Variants in CAMKMT observed in about 807,000 individuals in gnomAD.
CAMKMT encodes CaM KMT.
In CAMKMT, 53 loss-of-function variants were observed where a neutral mutation model predicts 48.0. The ratio of observed to expected loss-of-function variants is 1.10; its 90% CI spans 0.89 to 1.39. CAMKMT has a LOEUF of 1.39. Among genes scored for constraint, CAMKMT ranks in the 40% most tolerant of loss-of-function variants. The probability of loss-of-function intolerance (pLI) is 0.00; values close to 1 mark genes in which losing one functional copy is unlikely to be tolerated. For missense variants in CAMKMT, 428 were observed against 402.7 expected (o/e 1.06, Z -0.54); for synonymous variants, 165 against 152.3 (o/e 1.08, Z -0.61).
At chr2:44,549,248 C>T (rs1382679831) in intron 3 of CAMKMT, among the ~76,000 whole-genome samples, 1 of 152,158 alleles carries the variant, frequency 6.6e-6, no homozygotes, top group Non-Finnish European at 1.5e-5. Context: ...ACCAGTTTAC[C>T]AGCTCTGTCC....
chr2:44,557,187 T>C (rs1668059600), intron 3 of CAMKMT, among the ~76,000 whole-genome samples: 1 of 152,208 alleles, frequency 6.6e-6, no homozygotes, highest in Non-Finnish European at 1.5e-5. Context: ...ATAATGGTAC[T>C]AACTGTGTCC....
In CAMKMT at chr2:44,743,631, AT is replaced by A; in HGVS notation, c.634del (p.Trp212GlyfsTer36). 6.2e-7 allele frequency: 1 copy of A among 1,612,224 alleles called. No homozygotes were observed. The highest frequency in any genetic ancestry group is 8.5e-7 in the Non-Finnish European group (1 of 1,179,000). On this transcript the variant is annotated frameshift_variant, in exon 8 of 11. Coordinates refer to ENST00000378494, the MANE Select transcript of CAMKMT (RefSeq NM_024766.5). LOFTEE classifies it high-confidence loss of function. ...TCTTTTTCTCCTCAAGCGTTTTACG[AT>A]GGGATAATGAGACAGATGTCTCTCA... is the stretch of plus-strand genomic sequence containing the variant. ...TQKISSCVLR[W>X]DNETDVSQLE...
At chr2:44,390,205 C>T in intron 2 of CAMKMT, 36 bp from the exon 3 acceptor site, 1 of 1,542,904 alleles carries the variant, frequency 6.5e-7, no homozygotes. Flanking sequence ...GTTAACATTT[C>T]AGAATCATTA....
At chr2:44,566,541 G>C (rs1365526652) in intron 3 of CAMKMT, among the ~76,000 whole-genome samples, 1 of 152,132 alleles carries the variant, frequency 6.6e-6, no homozygotes, top group Admixed American at 6.6e-5. Flanking sequence ...TGTCCTAAAG[G>C]CCTGTGAGCC....
At chr2:44,588,331 A>C (rs1461553150) in intron 3 of CAMKMT, among the ~76,000 whole-genome samples, 1 of 75,600 alleles carries the variant, frequency 1.3e-5, no homozygotes, top group East Asian at 3.2e-4. Context: ...CCGCCCGGCC[A>C]GCCGCCCCGT....
At chr2:44,647,636 T>C (rs766261936) in intron 3 of CAMKMT, among the ~76,000 whole-genome samples, 12 of 152,114 alleles carry the variant, frequency 7.9e-5, no homozygotes, top group Non-Finnish European at 1.6e-4. Flanking sequence ...CCGGGCACAG[T>C]GGCTCACACC....
At chr2:44,575,140 G>A (rs1430764916) in intron 3 of CAMKMT, among the ~76,000 whole-genome samples, 6 of 151,872 alleles carry the variant, frequency 4.0e-5, no homozygotes, top group Non-Finnish European at 7.4e-5. Context: ...GTGCAGTGGC[G>A]CAATCTCGGC....
chr2:44,453,325 A>G (rs1482714924), intron 3 of CAMKMT, among the ~76,000 whole-genome samples: 3 of 152,062 alleles, frequency 2.0e-5, no homozygotes, highest in African/African-American at 4.8e-5. Flanking sequence ...GAAAATATCT[A>G]TTAGCTCTAA....
Position 44,757,357 on chromosome 2 carries a change from G to T in CAMKMT, c.762+3239G>T, listed in dbSNP as rs528855165. Among the ~76,000 whole-genome samples, 26 of 152,276 alleles carry T rather than the reference G, an allele frequency of 1.7e-4. No homozygotes were observed. In the East Asian group the frequency reaches 2.3e-3, roughly 14 times the overall value. On this transcript the variant is annotated intron_variant, in intron 9 of 10. Coordinates refer to ENST00000378494, the MANE Select transcript of CAMKMT (RefSeq NM_024766.5). ...AGCTCTGAAATCCTGCATTCTCCTC[G>T]CAGAGAGAAGGTATACATGGGCTGT...
intron 8 of CAMKMT, among the ~76,000 whole-genome samples, chr2:44,744,406 A>G (rs1679838034): frequency 1.3e-5 from 2 of 152,192 alleles, no homozygotes. Flanking sequence ...AAGTTACAGG[A>G]TAAATATGCA....
At chr2:44,402,461 G>A (rs1014691441) in intron 3 of CAMKMT, among the ~76,000 whole-genome samples, 8 of 151,080 alleles carry the variant, frequency 5.3e-5, no homozygotes, top group African/African-American at 1.9e-4. Context: ...TATGAAACTT[G>A]TTAATTCTCT....
chr2:44,540,267 A>G (rs1209630369), intron 3 of CAMKMT, among the ~76,000 whole-genome samples: 1 of 152,046 alleles, frequency 6.6e-6, no homozygotes, highest in African/African-American at 2.4e-5. Context: ...AAATTGTCCC[A>G]GATTTTGTCT....
At chr2:44,467,788 A>G (rs1668201251) in intron 3 of CAMKMT, among the ~76,000 whole-genome samples, 1 of 152,150 alleles carries the variant, frequency 6.6e-6, no homozygotes, top group Non-Finnish European at 1.5e-5. Context: ...GTGGTGGGAA[A>G]ACTGGATATC....
In CAMKMT at chr2:44,695,824, C is replaced by A. The variant is rs552386960; in HGVS notation, c.377-8459C>A. Among the ~76,000 whole-genome samples the A allele has an allele frequency of 2.0e-5, 3 of 151,570 alleles. No individual in the cohort carries two copies. In the East Asian group the frequency reaches 5.8e-4, roughly 29 times the overall value. On this transcript the variant is annotated intron_variant, in intron 3 of 10. Transcript: ENST00000378494. ...TCTGGAGCCTTGAAGGCTCGGAAAT[C>A]GGTGGCATCAGATGTAGCTGGTTCT...
chr2:44,584,770 G>C (rs1669756799), intron 3 of CAMKMT, among the ~76,000 whole-genome samples: 1 of 152,000 alleles, frequency 6.6e-6, no homozygotes, highest in South Asian at 2.1e-4. Context: ...AAAAAAAATA[G>C]TAGGCCGGGT....
intron 3 of CAMKMT, among the ~76,000 whole-genome samples, chr2:44,489,592 G>A (rs939510786): frequency 6.6e-5 from 10 of 152,030 alleles, no homozygotes; most frequent in African/African-American, 2.2e-4. Context: ...CCAAAATGAA[G>A]TAATGAGGTA....
chr2:44,711,179 G>A (rs17032534), intron 6 of CAMKMT, among the ~76,000 whole-genome samples: 3,297 of 152,192 alleles, frequency 0.022, 126 homozygotes, highest in African/African-American at 0.075. Flanking sequence ...TTCCAATGCC[G>A]GCTGTACTTC....
intron 3 of CAMKMT, among the ~76,000 whole-genome samples, chr2:44,478,129 T>C (rs981284680): frequency 4.6e-5 from 7 of 152,178 alleles, no homozygotes; most frequent in African/African-American, 1.7e-4. Context: ...TAAAAACAAA[T>C]CCTAATTTTT....
At chr2:44,427,466 A>G (rs1684346416) in intron 3 of CAMKMT, among the ~76,000 whole-genome samples, 1 of 152,222 alleles carries the variant, frequency 6.6e-6, no homozygotes, top group Admixed American at 6.5e-5. Context: ...CAAGAAAAAA[A>G]ATGCCATTGA....
Sources: allele counts gnomAD v4.1 joint callset (sites outside exome capture counted in the v4.1 genomes callset), GRCh38; gene constraint gnomAD v4.1.1; transcripts MANE v1.5; gene names NCBI Gene and HGNC (gene_info 2026-07-23, HGNC 2026-07-21).